The following SATL1 variants were observed in gnomAD, a reference collection of about 807,000 sequenced individuals.
SATL1 encodes spermidine/spermine N(1)-acetyltransferase-like protein 1.
In SATL1, 47 loss-of-function variants were observed where a neutral mutation model predicts 51.8. That is an observed-to-expected ratio of 0.91 (90% CI 0.72 to 1.16). The LOEUF is 1.16. SATL1 is among the 50% of genes most tolerant of loss of function. The pLI is 0.00. For missense variants in SATL1, 520 were observed against 526.4 expected (o/e 0.99, Z 0.12); for synonymous variants, 176 against 182.4 (o/e 0.97, Z 0.28).
intron 1 of SATL1, among the ~76,000 whole-genome samples, chrX:85,225,808 A>G (rs889727532): frequency 1.8e-5 from 2 of 111,542 alleles, no homozygotes; most frequent in Non-Finnish European, 3.8e-5. Context: ...CCTATGATAC[A>G]CAGGAATCAA....
At chrX:85,132,975 C>A (rs1453973488) in intron 2 of SATL1, among the ~76,000 whole-genome samples, 4 of 111,868 alleles carry the variant, frequency 3.6e-5, no homozygotes, top group Non-Finnish European at 7.5e-5. Context: ...CTGGGTGTCA[C>A]CAGCAGAGGC....
intron 2 of SATL1, among the ~76,000 whole-genome samples, chrX:85,182,327 G>A (rs1281072942): frequency 9.0e-6 from 1 of 111,170 alleles, no homozygotes; most frequent in Non-Finnish European, 1.9e-5. Flanking sequence ...CCAAATATAA[G>A]TGAGAACATG....
intron 2 of SATL1, among the ~76,000 whole-genome samples, chrX:85,203,190 T>C (rs1030968859): frequency 1.8e-5 from 2 of 111,961 alleles, no homozygotes; most frequent in African/African-American, 6.5e-5. Flanking sequence ...TCCTTCCCTG[T>C]GGGAGCTTTG....
chrX:85,093,195 C>G lies in SATL1; in HGVS notation c.1907G>C (p.Arg636Thr). 8.6e-7 allele frequency: 1 copy of G among 1,164,081 alleles called. No homozygotes were observed. Among genetic ancestry groups the G allele is most frequent in the Non-Finnish European group, 1.1e-6 (1 of 870,150 alleles). Residue 636 changes from arginine to threonine, a missense_variant, in exon 7 of 8, where the codon AGG becomes ACG. By Grantham distance (71) the Arg-to-Thr change is moderately conservative (BLOSUM62 -1). Coordinates refer to ENST00000644105, the MANE Select transcript of SATL1 (RefSeq NM_001367857.2). ...AATTGTAATACATACCTGACTTAGC[C>G]TCTTCAGCATTTCAGCTCCAATACC... ...GLGIGAEMLKRLSQIAITTQC... is the reference protein window; with the variant it reads ...GLGIGAEMLKTLSQIAITTQC...
intron 2 of SATL1, among the ~76,000 whole-genome samples, chrX:85,131,034 T>C (rs1412606139): frequency 8.9e-6 from 1 of 112,112 alleles, no homozygotes; most frequent in East Asian, 2.8e-4. Flanking sequence ...ATTCCTTTTC[T>C]TTTACATTTG....
At chrX:85,135,685 C>T (rs1036943689) in intron 2 of SATL1, among the ~76,000 whole-genome samples, 1 of 107,157 alleles carries the variant, frequency 9.3e-6, no homozygotes, top group Non-Finnish European at 1.9e-5. Flanking sequence ...GATCCTCCCC[C>T]CTCAACCCCC....
intron 2 of SATL1, among the ~76,000 whole-genome samples, chrX:85,161,850 C>G (rs1419096813): frequency 2.7e-5 from 3 of 111,383 alleles, no homozygotes; most frequent in Non-Finnish European, 5.6e-5. Flanking sequence ...CCAAAACTAA[C>G]AGAATATATA....
chrX:85,152,254 A>T (rs1303624493), intron 2 of SATL1, among the ~76,000 whole-genome samples: 3 of 111,939 alleles, frequency 2.7e-5, no homozygotes, highest in Non-Finnish European at 5.7e-5. Flanking sequence ...ATGCAAATCA[A>T]AACCACAATG....
intron 2 of SATL1, among the ~76,000 whole-genome samples, chrX:85,124,699 G>A (rs1925578719): frequency 9.0e-6 from 1 of 111,108 alleles, no homozygotes; most frequent in South Asian, 3.8e-4. Flanking sequence ...CTGCATTTTG[G>A]GCTGCAGCTT....
At chrX:85,236,245 T>C (rs146515013) in intron 1 of SATL1, among the ~76,000 whole-genome samples, 1 of 111,317 alleles carries the variant, frequency 9.0e-6, no homozygotes, top group East Asian at 2.8e-4. Flanking sequence ...TGCTGAACTT[T>C]ACCAAACATT....
At position 85,108,632 on chromosome X, in the gene SATL1, C is replaced by T. The variant is rs948418713; in HGVS notation, c.337G>A (p.Gly113Ser). The T allele has an allele frequency of 3.3e-5, 40 of 1,199,916 alleles. No individual in the cohort carries two copies. Among genetic ancestry groups the T allele is most frequent in the Non-Finnish European group, 4.2e-5 (37 of 890,117 alleles). The change falls in exon 3 of 8, where the codon GGC (glycine) becomes AGC (serine). Residue 113 changes from glycine (G) to serine (S), a missense_variant. By Grantham distance (56) the Gly-to-Ser change is moderately conservative. Coordinates refer to ENST00000644105, the MANE Select transcript of SATL1 (RefSeq NM_001367857.2). The part of the protein sequence containing the change: ...GISQPDPSQP[G>S]PSQSGPSQSR... The stretch of plus-strand genomic sequence containing the variant: ...TGGCTGGGGCCTGATTGGCTTGGGC[C>T]TGGTTGCGATGGGTCTGGTTGGCTT...
chrX:85,112,574 C>T (rs1224052061), intron 2 of SATL1, among the ~76,000 whole-genome samples: 1 of 111,299 alleles, frequency 9.0e-6, no homozygotes, highest in Non-Finnish European at 1.9e-5. Context: ...GCTGCATGTG[C>T]AGTGTGTTTA....
intron 2 of SATL1, among the ~76,000 whole-genome samples, chrX:85,150,097 A>C (rs1444219960): frequency 9.0e-6 from 1 of 111,545 alleles, no homozygotes; most frequent in Non-Finnish European, 1.9e-5. Flanking sequence ...AAGAGAGAAG[A>C]ATGAAATAGA....
chrX:85,188,852 A>G (rs1402323482), intron 2 of SATL1, among the ~76,000 whole-genome samples: 2 of 112,068 alleles, frequency 1.8e-5, no homozygotes, highest in African/African-American at 6.5e-5. Flanking sequence ...GATAAAGAGC[A>G]ATAGTATCTA....
intron 2 of SATL1, among the ~76,000 whole-genome samples, chrX:85,129,402 G>T (rs1034710343): frequency 2.7e-5 from 3 of 111,201 alleles, no homozygotes; most frequent in East Asian, 5.6e-4. Flanking sequence ...TATTCTCTTT[G>T]TAGCAATTGT....
intron 4 of SATL1, among the ~76,000 whole-genome samples, chrX:85,097,622 G>A (rs775686501): frequency 7.1e-5 from 8 of 112,230 alleles, no homozygotes; most frequent in African/African-American, 1.9e-4. Context: ...GGTTACAGGC[G>A]TGAGCCACCA....
At chrX:85,234,651 A>G (rs1443968871) in intron 1 of SATL1, among the ~76,000 whole-genome samples, 1 of 110,844 alleles carries the variant, frequency 9.0e-6, no homozygotes, top group East Asian at 2.8e-4. Context: ...AAAGTAATGG[A>G]TTACAAGATA....
intron 1 of SATL1, among the ~76,000 whole-genome samples, chrX:85,228,851 T>C (rs1179725348): frequency 8.9e-6 from 1 of 111,779 alleles, no homozygotes; most frequent in Non-Finnish European, 1.9e-5. Context: ...ACACTCTTTC[T>C]TGATGATCTC....
intron 1 of SATL1, among the ~76,000 whole-genome samples, chrX:85,242,471 T>G (rs1419931300): frequency 1.2e-4 from 14 of 112,623 alleles, no homozygotes; most frequent in African/African-American, 4.2e-4. Context: ...TTTTTAATTG[T>G]TGAAAAAATT....
Sources: gnomAD v4.1 joint callset for allele counts (sites outside exome capture counted in the v4.1 genomes callset) on GRCh38, gnomAD v4.1.1 for gene constraint, MANE v1.5 for transcripts, NCBI Gene and HGNC (gene_info 2026-07-23, HGNC 2026-07-21) for gene names.